The following ZNF532 variants were observed in gnomAD, a reference collection of about 807,000 sequenced individuals.
The protein encoded by ZNF532 is zinc finger protein 532.
ZNF532 carries 22 observed loss-of-function variants against 89.3 expected under a neutral mutation model. That is an observed-to-expected ratio of 0.25 (90% CI 0.18 to 0.35). The LOEUF (loss-of-function observed/expected upper bound fraction) is 0.35. Ranked by LOEUF, ZNF532 falls within the 10% of genes least tolerant of loss-of-function variation. ZNF532 has a pLI of 1.00. For missense variants in ZNF532, 1,132 were observed against 1,643.4 expected, an observed-to-expected ratio of 0.69 and a Z score of 5.38; for synonymous variants, 606 against 649.6, an observed-to-expected ratio of 0.93 and a Z score of 1.02.
intron 2 of ZNF532, among the ~76,000 whole-genome samples, chr18:58,894,467 CA>C (rs149027291): frequency 0.29 from 22,531 of 77,572 alleles, 1,701 homozygotes; most frequent in East Asian, 0.45. Context: ...GACTCCATCT[CA>C]AAAAAAAAAA....
At chr18:58,933,805 A>G (rs1302724356) in intron 3 of ZNF532, among the ~76,000 whole-genome samples, 3 of 152,064 alleles carry the variant, frequency 2.0e-5, no homozygotes, top group Non-Finnish European at 4.4e-5. Flanking sequence ...TTTAAGCTCT[A>G]TAAAATTTTA....
intron 5 of ZNF532, among the ~76,000 whole-genome samples, chr18:58,941,552 T>C (rs1394701661): frequency 1.4e-5 from 2 of 140,830 alleles, no homozygotes; most frequent in Non-Finnish European, 3.0e-5. Flanking sequence ...AGCCTTGACC[T>C]CCTGGGCTCA....
intron 2 of ZNF532, among the ~76,000 whole-genome samples, chr18:58,917,380 AC>A (rs1568308965): frequency 6.6e-6 from 1 of 152,212 alleles, no homozygotes; most frequent in Non-Finnish European, 1.5e-5. Flanking sequence ...GGAGACAAGT[AC>A]ACACAGACTG....
At chr18:58,953,971 A>G (rs2064490370) in intron 7 of ZNF532, 172 bp downstream of exon 7, 1 of 985,270 alleles carries the variant, frequency 1.0e-6, no homozygotes, top group Non-Finnish European at 1.2e-6. Context: ...GACCTTTTCA[A>G]ATCCTTCAGT....
intron 9 of ZNF532, among the ~76,000 whole-genome samples, chr18:58,983,234 G>A (rs1185426180): frequency 6.6e-6 from 1 of 152,188 alleles, no homozygotes; most frequent in Non-Finnish European, 1.5e-5. Flanking sequence ...GGCTTGGGGA[G>A]GGGATTCAGA....
Position 58,968,649 on chromosome 18 carries a change from G to A in ZNF532, c.3151-10406G>A, listed in dbSNP as rs943248660. ...GGTAGAGCGTAGACATAGATCCCTT[G>A]GGGTGGTGGGAGTGGGAGGAGTGTC... On this transcript the variant is annotated intron_variant, in intron 7 of 9. Transcript: ENST00000591808. Among the ~76,000 whole-genome samples the A allele has an allele frequency of 2.0e-5, 3 of 152,194 alleles. No individual in the cohort carries two copies. The East Asian group carries it at 5.8e-4, about 29-fold the overall frequency.
rs11877820 is a variant in ZNF532, at chr18:58,951,310, G to A, written c.2869-2208G>A. 8.5e-3 allele frequency among the ~76,000 whole-genome samples: 1,289 copies of A among 152,148 alleles called. 25 individuals are homozygous for A. The highest frequency in any genetic ancestry group is 0.029 in the African/African-American group (1,208 of 41,500). On this transcript the variant is annotated intron_variant, in intron 6 of 9. Transcript: ENST00000591808. ...CAGTGTAACTTGTTGCTTCTTTTCT[G>A]TAATTTCTGTAGCACTTTAAGGTTA...
chr18:58,890,037 C>G (rs935119259), intron 2 of ZNF532, among the ~76,000 whole-genome samples: 1 of 151,286 alleles, frequency 6.6e-6, no homozygotes, highest in African/African-American at 2.4e-5. Flanking sequence ...AAGCCAAGAT[C>G]GCGCCACTGC....
chr18:58,883,936 A>AGG (rs1236933609), intron 2 of ZNF532, among the ~76,000 whole-genome samples: 1 of 152,252 alleles, frequency 6.6e-6, no homozygotes, highest in Non-Finnish European at 1.5e-5. Context: ...ACCTCTGTTG[A>AGG]GGGAAGCAAG....
chr18:58,865,272 A>G lies in ZNF532; in HGVS notation c.-241A>G, dbSNP rs2056351858. ...ATGGTAGTTTGTTTGTTGCTGGAGA[A>G]TGCTACTTTGCATGCTTTTTTTCTC... is the stretch of plus-strand genomic sequence containing the variant. On this transcript the variant is annotated 5_prime_UTR_variant, in exon 1 of 10. An upstream start codon of the reference 5' UTR is lost. Transcript: ENST00000591808. 1 of 151,916 alleles carries G rather than the reference A, an allele frequency of 6.6e-6. No homozygotes were observed. Among genetic ancestry groups the G allele is most frequent in the Non-Finnish European group, 1.5e-5 (1 of 67,948 alleles). 9.4% of individuals were successfully genotyped at this position (151,916 alleles called of 1,614,324 possible).
chr18:58,889,511 A>C (rs1193088858), intron 2 of ZNF532, among the ~76,000 whole-genome samples: 3 of 152,246 alleles, frequency 2.0e-5, no homozygotes, highest in Non-Finnish European at 4.4e-5. Context: ...AAGAAATACA[A>C]ACTCTTGGCC....
intron 5 of ZNF532, among the ~76,000 whole-genome samples, chr18:58,942,000 C>CTTCCTTCT (rs35178051): frequency 1.1e-4 from 15 of 140,372 alleles, no homozygotes; most frequent in Middle Eastern, 3.8e-3. Flanking sequence ...CCCTTCCTTC[C>CTTCCTTCT]TTCCTTCTTT....
intron 7 of ZNF532, among the ~76,000 whole-genome samples, chr18:58,955,821 A>T (rs1315858336): frequency 2.0e-5 from 3 of 152,226 alleles, no homozygotes; most frequent in Non-Finnish European, 4.4e-5. Flanking sequence ...TACAGTGTTC[A>T]TTGTAAATAC....
intron 2 of ZNF532, among the ~76,000 whole-genome samples, chr18:58,912,784 T>A (rs1447783306): frequency 6.6e-6 from 1 of 152,188 alleles, no homozygotes; most frequent in Non-Finnish European, 1.5e-5. Context: ...CATTTTTTCA[T>A]GTGTGTGTCT....
At chr18:58,870,448 T>C (rs2056884722) in intron 2 of ZNF532, among the ~76,000 whole-genome samples, 1 of 152,084 alleles carries the variant, frequency 6.6e-6, no homozygotes, top group Non-Finnish European at 1.5e-5. Context: ...TGGAAAGGTC[T>C]GGGGAGAGCT....
chr18:58,903,582 A>T (rs997133268), intron 2 of ZNF532, among the ~76,000 whole-genome samples: 23 of 152,276 alleles, frequency 1.5e-4, no homozygotes, highest in Admixed American at 5.2e-4. Flanking sequence ...GCATCTGCAA[A>T]ATAGCGCCAG....
Position 58,919,220 on chromosome 18 carries a change from T to A in ZNF532, c.933T>A (p.Ala311=). Residue 311 remains alanine (A), a synonymous_variant, in exon 3 of 10, where the codon GCT becomes GCA. Transcript: ENST00000591808. This position sits in a 1 kb window ranked among gnomAD's most constrained non-coding sequence, Gnocchi z 6.1. ...PKEVNDSPRA[A]DKSPESQNLI... ...AAGTAAATGACAGTCCGAGAGCCGCTGACAAGTCTCCTGAATCCCAGAATC... is the reference window on the plus strand; with the variant it reads ...AAGTAAATGACAGTCCGAGAGCCGCAGACAAGTCTCCTGAATCCCAGAATC... 1 of 1,614,054 alleles carries A rather than the reference T, an allele frequency of 6.2e-7. No homozygotes were observed.
chr18:58,899,035 A>G (rs2059426717), intron 2 of ZNF532, among the ~76,000 whole-genome samples: 1 of 152,264 alleles, frequency 6.6e-6, no homozygotes, highest in Non-Finnish European at 1.5e-5. Flanking sequence ...CTTTGTCTGG[A>G]AGCACAGGTG....
chr18:58,896,751 A>G (rs1284098670), intron 2 of ZNF532: 1 of 152,234 alleles, frequency 6.6e-6, no homozygotes, highest in Non-Finnish European at 1.5e-5. Context: ...ACACCACCAC[A>G]TGACGGACAT....
Sources: gnomAD v4.1 joint callset for allele counts (sites outside exome capture counted in the v4.1 genomes callset) on GRCh38, gnomAD v4.1.1 for gene constraint, Gnocchi (gnomAD v3.1) non-coding constraint, MANE v1.5 for transcripts, NCBI Gene and HGNC (gene_info 2026-07-23, HGNC 2026-07-21) for gene names.